Variants in SERPINB7 observed in about 807,000 individuals in gnomAD.
The protein encoded by SERPINB7 is serpin family B member 7.
A neutral mutation model predicts 37.4 loss-of-function variants in SERPINB7; 31 were observed. That is an observed-to-expected ratio of 0.83 (90% CI 0.62 to 1.12). SERPINB7 has a LOEUF of 1.12. Among genes scored for constraint, SERPINB7 ranks in the 50% most tolerant of loss-of-function variants. The pLI is 0.00. For synonymous variants in SERPINB7, 163 were observed against 166.1 expected (o/e 0.98, Z 0.14); for missense variants, 521 against 455.3 (o/e 1.14, Z -1.31).
intron 1 of SERPINB7, among the ~76,000 whole-genome samples, chr18:63,778,743 G>A (rs564453404): frequency 6.6e-6 from 1 of 152,160 alleles, no homozygotes; most frequent in South Asian, 2.1e-4. Context: ...TAATATATTA[G>A]CTAAAGGATG....
At position 63,805,150 on chromosome 18, in the gene SERPINB7, T is replaced by TA. The variant is rs1409980649; in HGVS notation, c.*521dup. 6.6e-6 allele frequency: 1 copy of TA among 152,558 alleles called. No homozygotes were observed. Among genetic ancestry groups the TA allele is most frequent in the East Asian group, 1.9e-4 (1 of 5,196 alleles). 9.5% of individuals were successfully genotyped at this position (152,558 alleles called of 1,614,324 possible). On this transcript the variant is annotated 3_prime_UTR_variant, in exon 8 of 8. Transcript: ENST00000398019. ...TTAAATCAGTGTATAATCTAGATGG[T>TA]AAAAAATGTGAAATTGGGATTAGGG...
chr18:63,793,228 T>A lies in SERPINB7; in HGVS notation c.287T>A (p.Leu96His). The change falls in exon 4 of 8, where the codon CTC (leucine) becomes CAC (histidine). Residue 96 changes from leucine (L) to histidine (H), a missense_variant. Leu to His is a moderately conservative substitution (Grantham distance 99). Coordinates refer to ENST00000398019, the MANE Select transcript of SERPINB7 (RefSeq NM_003784.4). ...AATGCATCCCACAAGGATTATGATC[T>A]CAGCATTGTGAATGGGCTTTTTGCT... ...DINASHKDYDLSIVNGLFAEK... is the reference protein window; with the variant it reads ...DINASHKDYDHSIVNGLFAEK... 6.2e-7 allele frequency: 1 copy of A among 1,609,934 alleles called. No individual in the cohort carries two copies. Among genetic ancestry groups the A allele is most frequent in the Non-Finnish European group, 8.5e-7 (1 of 1,177,608 alleles).
chr18:63,768,575 C>T (rs73469963), intron 1 of SERPINB7, among the ~76,000 whole-genome samples: 5,308 of 152,126 alleles, frequency 0.035, 172 homozygotes, highest in African/African-American at 0.079. Flanking sequence ...ATTTGTGATA[C>T]AATTAGATAT....
At chr18:63,760,232 T>A (rs1162015246) in intron 1 of SERPINB7, among the ~76,000 whole-genome samples, 1 of 152,188 alleles carries the variant, frequency 6.6e-6, no homozygotes, top group African/African-American at 2.4e-5. Flanking sequence ...GTGACTCTTG[T>A]TATGTTTTAG....
chr18:63,804,587 C>A lies in SERPINB7; in HGVS notation c.1095C>A (p.Ile365=). The change falls in exon 8 of 8, where the codon ATC becomes ATA. Residue 365 remains isoleucine (I), a synonymous_variant. Coordinates refer to ENST00000398019, the MANE Select transcript of SERPINB7 (RefSeq NM_003784.4). ...FRADHPFLFV[I]RKDDIILFSG... is the part of the protein sequence containing the mutation. ...CTGACCACCCATTCCTATTTGTTAT[C>A]AGGAAGGATGACATCATCTTATTCA... 6.2e-7 allele frequency: 1 copy of A among 1,613,356 alleles called. No individual in the cohort carries two copies. Among genetic ancestry groups the A allele is most frequent in the Non-Finnish European group, 8.5e-7 (1 of 1,179,666 alleles).
intron 7 of SERPINB7, among the ~76,000 whole-genome samples, chr18:63,803,515 T>G (rs956270402): frequency 6.6e-6 from 1 of 152,192 alleles, no homozygotes; most frequent in Middle Eastern, 3.2e-3. Context: ...TTCTCAGTAT[T>G]CAAGAGCTGG....
At chr18:63,798,544 T>A in intron 5 of SERPINB7, 60 bp from the exon 6 acceptor site, 4 of 1,357,024 alleles carry the variant, frequency 2.9e-6, no homozygotes, top group Admixed American at 2.4e-5. Flanking sequence ...ATGGTCTTTT[T>A]AAATCATTTT....
chr18:63,778,858 A>AAACATCC (rs2049275572), intron 1 of SERPINB7, among the ~76,000 whole-genome samples: 1 of 152,168 alleles, frequency 6.6e-6, no homozygotes, highest in South Asian at 2.1e-4. Flanking sequence ...TGGGATGTAA[A>AAACATCC]AACATCCATG....
At chr18:63,798,802 C>T (rs2049517118) in intron 6 of SERPINB7, 56 bp downstream of exon 6, 1 of 1,554,182 alleles carries the variant, frequency 6.4e-7, no homozygotes, top group Non-Finnish European at 8.8e-7. Flanking sequence ...TATTCCTTTG[C>T]AGGACTGTGA....
chr18:63,801,562 A>G (rs759438554), intron 7 of SERPINB7, among the ~76,000 whole-genome samples: 17 of 152,168 alleles, frequency 1.1e-4, no homozygotes, highest in Non-Finnish European at 2.2e-4. Flanking sequence ...TACTACTCAA[A>G]TCAATCTCCC....
chr18:63,783,216 GAGAGAGAGAGAGAGAGAGAA>G lies in SERPINB7; in HGVS notation c.168+680_168+699del, dbSNP rs1381552513. Among the ~76,000 whole-genome samples the G allele has an allele frequency of 1.3e-3, 89 of 67,040 alleles. 1 individual carries two copies. Among genetic ancestry groups the G allele is most frequent in the South Asian group, 0.01 (18 of 1,726 alleles). 44.0% of individuals were successfully genotyped at this position (67,040 alleles called of 152,430 possible). A position where few individuals can be genotyped will look rare whatever the true frequency, so the allele number is the denominator to read the frequency against. On this transcript the variant is annotated intron_variant, in intron 2 of 7. Transcript: ENST00000398019. ...AGAGAGAGAGAGAGAGAGAGAGAGA[GAGAGAGAGAGAGAGAGAGAA>G]AGAAAGAAAGAAAGAAAGAAAGAAA... is the stretch of plus-strand genomic sequence containing the variant.
chr18:63,778,967 A>G (rs926508500), intron 1 of SERPINB7, among the ~76,000 whole-genome samples: 10 of 152,172 alleles, frequency 6.6e-5, no homozygotes, highest in African/African-American at 2.2e-4. Context: ...AATATAGTAT[A>G]TTTTTAGCAA....
At chr18:63,777,879 G>GACACACATACACACACAC (rs1354060206) in intron 1 of SERPINB7, 14 of 131,202 alleles carry the variant, frequency 1.1e-4, no homozygotes, top group African/African-American at 4.0e-4. Context: ...TTTGAAAAAA[G>GACACACATACACACACAC]ACACACACAC....
At chr18:63,791,617 T>A (rs1004657269) in intron 2 of SERPINB7, among the ~76,000 whole-genome samples, 3 of 152,082 alleles carry the variant, frequency 2.0e-5, no homozygotes, top group Non-Finnish European at 4.4e-5. Context: ...ATTTTTATTT[T>A]TATTTTTTTT....
At chr18:63,791,823 G>A (rs1450593453) in intron 2 of SERPINB7, among the ~76,000 whole-genome samples, 2 of 152,082 alleles carry the variant, frequency 1.3e-5, no homozygotes, top group African/African-American at 4.8e-5. Flanking sequence ...TGTTAGCCAG[G>A]ATGGTCTCGA....
intron 1 of SERPINB7, among the ~76,000 whole-genome samples, chr18:63,758,284 C>A (rs924416673): frequency 3.3e-5 from 5 of 152,108 alleles, no homozygotes; most frequent in African/African-American, 1.2e-4. Flanking sequence ...TAATTATGGC[C>A]AGAAGCAGAC....
chr18:63,786,014 CAT>C (rs1204977672), intron 2 of SERPINB7, among the ~76,000 whole-genome samples: 1 of 135,824 alleles, frequency 7.4e-6, no homozygotes, highest in African/African-American at 2.8e-5. Flanking sequence ...TATATATACA[CAT>C]ATATAATATA....
intron 7 of SERPINB7, among the ~76,000 whole-genome samples, chr18:63,801,363 C>T (rs545015720): frequency 6.6e-6 from 1 of 152,252 alleles, no homozygotes; most frequent in South Asian, 2.1e-4. Flanking sequence ...GACTGAGCAT[C>T]TTTAGGCAGG....
intron 5 of SERPINB7, among the ~76,000 whole-genome samples, chr18:63,796,774 A>T (rs892824118): frequency 3.3e-5 from 5 of 152,182 alleles, no homozygotes; most frequent in Non-Finnish European, 5.9e-5. Flanking sequence ...TGACCACATT[A>T]TTATTTTCAA....
Sources: allele counts gnomAD v4.1 joint callset (sites outside exome capture counted in the v4.1 genomes callset), GRCh38; gene constraint gnomAD v4.1.1; transcripts MANE v1.5; gene names NCBI Gene and HGNC (gene_info 2026-07-23, HGNC 2026-07-21).